SORCS2: variants seen among roughly 807,000 people sequenced by gnomAD.
SORCS2 encodes VPS10 domain-containing receptor SorCS2.
A neutral mutation model predicts 141.6 loss-of-function variants in SORCS2; 100 were observed. The observed-to-expected ratio is 0.71, with a 90% CI of 0.60 to 0.83. SORCS2 has a LOEUF of 0.83. Ranked by LOEUF, SORCS2 falls within the 40% of genes least tolerant of loss-of-function variation. SORCS2 has a pLI of 0.00. For synonymous variants in SORCS2, 789 were observed against 676.9 expected, an observed-to-expected ratio of 1.17 and a Z score of -2.57; for missense variants, 1,646 against 1,560.2, an observed-to-expected ratio of 1.05 and a Z score of -0.93.
At chr4:7,295,720 G>T (rs1717004424) in intron 1 of SORCS2, among the ~76,000 whole-genome samples, 1 of 152,246 alleles carries the variant, frequency 6.6e-6, no homozygotes, top group Non-Finnish European at 1.5e-5. Flanking sequence ...ACCATGTGGG[G>T]TGGGGACATG....
intron 1 of SORCS2, among the ~76,000 whole-genome samples, chr4:7,251,922 C>G (rs550537743): frequency 6.6e-6 from 1 of 152,254 alleles, no homozygotes; most frequent in Admixed American, 6.5e-5. Context: ...AAAGCAGGGA[C>G]TGGGCATCCC....
At chr4:7,346,607 A>G (rs1312470798) in intron 1 of SORCS2, among the ~76,000 whole-genome samples, 2 of 152,262 alleles carry the variant, frequency 1.3e-5, no homozygotes, top group Non-Finnish European at 2.9e-5. Context: ...ACCTACTTGC[A>G]CTAATAATTA....
chr4:7,508,651 A>T (rs1732422299), intron 2 of SORCS2, among the ~76,000 whole-genome samples: 1 of 152,060 alleles, frequency 6.6e-6, no homozygotes, highest in African/African-American at 2.4e-5. Flanking sequence ...GACTCTTTAT[A>T]CTTATTTTTC....
intron 3 of SORCS2, among the ~76,000 whole-genome samples, chr4:7,573,370 T>C (rs1443017398): frequency 6.6e-6 from 1 of 152,228 alleles, no homozygotes; most frequent in Non-Finnish European, 1.5e-5. Flanking sequence ...CCTCGGTTAC[T>C]GTGTGGCAAT....
At chr4:7,311,709 A>T (rs1027641526) in intron 1 of SORCS2, among the ~76,000 whole-genome samples, 9 of 152,104 alleles carry the variant, frequency 5.9e-5, no homozygotes, top group African/African-American at 2.2e-4. Flanking sequence ...TGAAATGTCT[A>T]TTAGAATCCT....
At chr4:7,322,825 C>T (rs1577397546) in intron 1 of SORCS2, among the ~76,000 whole-genome samples, 2 of 152,184 alleles carry the variant, frequency 1.3e-5, no homozygotes, top group African/African-American at 2.4e-5. Context: ...AATTCCAGTG[C>T]CCTCTGCAGA....
At chr4:7,515,895 C>G (rs1465716942) in intron 2 of SORCS2, among the ~76,000 whole-genome samples, 1 of 152,180 alleles carries the variant, frequency 6.6e-6, no homozygotes. Context: ...TGCCGTGTCA[C>G]CTCGAGCAAG....
chr4:7,544,015 C>CCCAT (rs202042953), intron 3 of SORCS2, among the ~76,000 whole-genome samples: 1 of 109,488 alleles, frequency 9.1e-6, no homozygotes, highest in Non-Finnish European at 1.9e-5. Flanking sequence ...CATCCATCCA[C>CCCAT]CCATCCATCC....
intron 20 of SORCS2, among the ~76,000 whole-genome samples, chr4:7,725,739 G>C (rs1419710097): frequency 5.9e-5 from 9 of 152,208 alleles, no homozygotes; most frequent in Non-Finnish European, 1.5e-5. Context: ...GATAGTTCTT[G>C]AGCAGGAGAG....
intron 13 of SORCS2, 108 bp downstream of exon 13, chr4:7,703,479 C>A: frequency 1.2e-6 from 1 of 845,422 alleles, no homozygotes; most frequent in Non-Finnish European, 1.8e-6. Flanking sequence ...CTCGGGGACA[C>A]ATGATCACAG....
At chr4:7,736,906 A>C (rs1253358862) in intron 25 of SORCS2, among the ~76,000 whole-genome samples, 163 bp from the exon 26 acceptor site, 2 of 152,132 alleles carry the variant, frequency 1.3e-5, no homozygotes, top group Non-Finnish European at 2.9e-5. Flanking sequence ...CTTTGAGCAG[A>C]GATGGGGCAG....
chr4:7,650,197 C>A (rs1259049430), intron 4 of SORCS2, among the ~76,000 whole-genome samples: 4 of 152,218 alleles, frequency 2.6e-5, no homozygotes, highest in African/African-American at 9.6e-5. Flanking sequence ...GGGTGAATCA[C>A]TCAATTGCTG....
At chr4:7,490,424 C>T (rs1731248945) in intron 2 of SORCS2, among the ~76,000 whole-genome samples, 1 of 152,128 alleles carries the variant, frequency 6.6e-6, no homozygotes, top group African/African-American at 2.4e-5. Flanking sequence ...TCACGGAGCT[C>T]AACCATAAGA....
intron 2 of SORCS2, among the ~76,000 whole-genome samples, chr4:7,489,077 T>C (rs4133): frequency 0.51 from 76,882 of 151,972 alleles, 19,463 homozygotes; most frequent in African/African-American, 0.55. Flanking sequence ...AACCCACATT[T>C]CAGTTGGGGA....
intron 1 of SORCS2, among the ~76,000 whole-genome samples, chr4:7,307,983 C>CTG (rs1244262681): frequency 2.0e-5 from 3 of 152,008 alleles, no homozygotes; most frequent in South Asian, 4.2e-4. Context: ...GTGCGCAGGC[C>CTG]TGTGTGTGTG....
In SORCS2 at chr4:7,357,125, G is replaced by A. The variant is rs185863826; in HGVS notation, c.481-39163G>A. 6.8e-3 allele frequency among the ~76,000 whole-genome samples: 1,035 copies of A among 152,244 alleles called. 8 individuals carry two copies. Among genetic ancestry groups the A allele is most frequent in the African/African-American group, 0.021 (892 of 41,544 alleles). On this transcript the variant is annotated intron_variant, in intron 1 of 26. Transcript: ENST00000507866. ...CGGCTGGAGCTCTTGCTGGGCCCAG[G>A]TGGTGCAGCCACACTTCCTCCTCCA...
At chr4:7,584,957 G>A (rs191144092) in intron 3 of SORCS2, among the ~76,000 whole-genome samples, 16 of 152,260 alleles carry the variant, frequency 1.1e-4, no homozygotes, top group African/African-American at 2.9e-4. Flanking sequence ...GGGTTGCAGC[G>A]GGTGATGTGA....
intron 1 of SORCS2, among the ~76,000 whole-genome samples, chr4:7,213,054 C>T (rs1728143527): frequency 6.6e-6 from 1 of 152,182 alleles, no homozygotes; most frequent in South Asian, 2.1e-4. Context: ...GGTGGCAGAG[C>T]CACTGCCATT....
chr4:7,667,750 A>G (rs1722585120), intron 8 of SORCS2, among the ~76,000 whole-genome samples: 1 of 152,314 alleles, frequency 6.6e-6, no homozygotes, highest in South Asian at 2.1e-4. Flanking sequence ...TTGCCTTAGA[A>G]GGCGAAGAAG....
Sources: allele counts gnomAD v4.1 joint callset (sites outside exome capture counted in the v4.1 genomes callset), GRCh38; gene constraint gnomAD v4.1.1; transcripts MANE v1.5; gene names NCBI Gene and HGNC (gene_info 2026-07-23, HGNC 2026-07-21).